Variants in RAI2 observed in about 807,000 individuals in gnomAD.
The protein encoded by RAI2 is retinoic acid-induced protein 2.
RAI2 carries 5 observed loss-of-function variants against 15.3 expected under a neutral mutation model. The observed-to-expected ratio is 0.33, with a 90% CI of 0.17 to 0.69. RAI2 has a LOEUF of 0.69. Among genes scored for constraint, RAI2 ranks in the 30% least tolerant of loss-of-function variants. RAI2 has a pLI of 0.69. For missense variants in RAI2, 424 were observed against 424.7 expected (o/e 1.00, Z 0.01); for synonymous variants, 191 against 184.0 (o/e 1.04, Z -0.31).
At chrX:17,860,767 C>G (rs1321721012) in intron 1 of RAI2, 1 of 108,776 alleles carries the variant, frequency 9.2e-6, no homozygotes. Context: ...GGCGGCGGCC[C>G]GAAACCCACT....
At chrX:17,802,248 T>C (rs1412128164) in intron 1 of RAI2, among the ~76,000 whole-genome samples, 1 of 112,032 alleles carries the variant, frequency 8.9e-6, no homozygotes, top group Non-Finnish European at 1.9e-5. Context: ...ATTTAACAGA[T>C]GATTAAGCTA....
Position 17,838,290 on chromosome X carries a change from C to A in RAI2, c.-25+22808G>T, listed in dbSNP as rs560185582. On this transcript the variant is annotated intron_variant, in intron 1 of 1. Coordinates refer to ENST00000451717, the MANE Select transcript of RAI2 (RefSeq NM_021785.6). ...CACATGCACTTAAAACCCATCAGCA[C>A]ATAAGATTTGTGTACTCTGTGACTT... Among the ~76,000 whole-genome samples the A allele has an allele frequency of 2.7e-5, 3 of 112,267 alleles. No homozygotes were observed. In the East Asian group the frequency reaches 8.4e-4, roughly 32 times the overall value.
intron 1 of RAI2, among the ~76,000 whole-genome samples, chrX:17,850,424 A>C (rs1296494879): frequency 8.9e-6 from 1 of 112,598 alleles, no homozygotes; most frequent in Non-Finnish European, 1.9e-5. Flanking sequence ...GGAGTCAGGG[A>C]TAAAGGGCCC....
intron 1 of RAI2, among the ~76,000 whole-genome samples, chrX:17,834,422 G>T (rs1285736532): frequency 9.1e-6 from 1 of 110,081 alleles, no homozygotes; most frequent in Non-Finnish European, 1.9e-5. Flanking sequence ...GATCACCATA[G>T]TCTGGAGCTA....
intron 1 of RAI2, among the ~76,000 whole-genome samples, chrX:17,851,394 A>C (rs2067532150): frequency 8.9e-6 from 1 of 112,493 alleles, no homozygotes; most frequent in African/African-American, 3.2e-5. Flanking sequence ...AAACGGTAAC[A>C]TTGTAGAGCT....
intron 1 of RAI2, among the ~76,000 whole-genome samples, chrX:17,846,981 G>C (rs751790644): frequency 8.9e-6 from 1 of 111,793 alleles, no homozygotes; most frequent in Non-Finnish European, 1.9e-5. Flanking sequence ...ATAGATGGGA[G>C]TTCCCCTGCA....
chrX:17,821,187 A>G (rs1169302806), intron 1 of RAI2, among the ~76,000 whole-genome samples: 2 of 112,269 alleles, frequency 1.8e-5, no homozygotes. Flanking sequence ...TTTTATTCTA[A>G]AAATTGTTTC....
At chrX:17,821,496 C>T (rs1374058562) in intron 1 of RAI2, among the ~76,000 whole-genome samples, 1 of 110,635 alleles carries the variant, frequency 9.0e-6, no homozygotes, top group Non-Finnish European at 1.9e-5. Context: ...GGAAAGGAGA[C>T]ACCATGGCAT....
intron 1 of RAI2, among the ~76,000 whole-genome samples, chrX:17,851,738 C>T (rs913951349): frequency 3.6e-5 from 4 of 111,475 alleles, no homozygotes; most frequent in Non-Finnish European, 7.5e-5. Flanking sequence ...AACACTCTTC[C>T]GGAGTCTCGA....
intron 1 of RAI2, among the ~76,000 whole-genome samples, chrX:17,852,106 G>C (rs2067542996): frequency 9.0e-6 from 1 of 111,579 alleles, no homozygotes; most frequent in Non-Finnish European, 1.9e-5. Context: ...CCTGAATCCT[G>C]GCCTGCAACG....
At chrX:17,809,654 G>A (rs374238580) in intron 1 of RAI2, among the ~76,000 whole-genome samples, 31 of 110,893 alleles carry the variant, frequency 2.8e-4, no homozygotes, top group African/African-American at 8.5e-4. Flanking sequence ...AGGAGTGTGA[G>A]AATGAAAACG....
intron 1 of RAI2, among the ~76,000 whole-genome samples, chrX:17,821,588 G>A (rs925995564): frequency 7.2e-5 from 8 of 110,840 alleles, no homozygotes; most frequent in Admixed American, 5.8e-4. Context: ...GAGAGAGACC[G>A]CGAGAGAGAG....
At chrX:17,857,594 TG>T (rs1194820036) in intron 1 of RAI2, among the ~76,000 whole-genome samples, 1 of 111,119 alleles carries the variant, frequency 9.0e-6, no homozygotes, top group East Asian at 2.9e-4. Context: ...AAGATTAAAC[TG>T]GGGCTTGTCA....
At position 17,801,327 on chromosome X, in the gene RAI2, G is replaced by C; in HGVS notation, c.684C>G (p.Ala228=). 8.5e-7 allele frequency: 1 copy of C among 1,170,833 alleles called. No homozygotes were observed. The highest frequency in any genetic ancestry group is 1.1e-6 in the Non-Finnish European group (1 of 874,179). ...TTACAGGATACGGCACCAAGAGGGT[G>C]GCTGGTGGGACCAGGGGGGACAAGG... The part of the protein sequence containing the change: ...SSPLSPLVPP[A]TLLVPYPVIV... Residue 228 remains alanine, a synonymous_variant, in exon 2 of 2, where the codon GCC becomes GCG. Transcript: ENST00000451717.
At chrX:17,808,577 C>A (rs2067007792) in intron 1 of RAI2, among the ~76,000 whole-genome samples, 2 of 111,246 alleles carry the variant, frequency 1.8e-5, no homozygotes, top group Non-Finnish European at 3.8e-5. Context: ...GCCCATCTTC[C>A]TTCTTACTTC....
chrX:17,849,705 T>C (rs749529690), intron 1 of RAI2, among the ~76,000 whole-genome samples: 1 of 112,477 alleles, frequency 8.9e-6, no homozygotes, highest in African/African-American at 3.2e-5. Flanking sequence ...GAGTTGTACG[T>C]TCCAAAGCTT....
Position 17,801,115 on chromosome X carries a change from T to G in RAI2, c.896A>C (p.Tyr299Ser). The change falls in exon 2 of 2, where the codon TAC (tyrosine) becomes TCC (serine). Residue 299 changes from tyrosine to serine, a missense_variant. Coordinates refer to ENST00000451717, the MANE Select transcript of RAI2 (RefSeq NM_021785.6). The part of the protein sequence containing the change: ...KPFDILQPKE[Y>S]FQLSRHTVIK... The stretch of plus-strand genomic sequence containing the variant: ...GACCGTGTGGCGGCTGAGCTGGAAG[T>G]ACTCCTTAGGCTGGAGGATGTCAAA... The G allele has an allele frequency of 8.3e-7, 1 of 1,211,596 alleles. No individual in the cohort carries two copies. Among genetic ancestry groups the G allele is most frequent in the South Asian group, 1.8e-5 (1 of 56,955 alleles).
intron 1 of RAI2, among the ~76,000 whole-genome samples, chrX:17,840,665 T>A (rs1375612494): frequency 8.9e-6 from 1 of 112,119 alleles, no homozygotes; most frequent in Non-Finnish European, 1.9e-5. Context: ...TTTTGTTCCA[T>A]GAAATGGCCT....
At chrX:17,841,851 T>G (rs1181847187) in intron 1 of RAI2, among the ~76,000 whole-genome samples, 1 of 112,601 alleles carries the variant, frequency 8.9e-6, no homozygotes, top group African/African-American at 3.2e-5. Context: ...TCTTGGTTAT[T>G]TCTCTGATTT....
Sources: gnomAD v4.1 joint callset for allele counts (sites outside exome capture counted in the v4.1 genomes callset) on GRCh38, gnomAD v4.1.1 for gene constraint, MANE v1.5 for transcripts, NCBI Gene and HGNC (gene_info 2026-07-23, HGNC 2026-07-21) for gene names.